PTPRN2: variants seen among roughly 807,000 people sequenced by gnomAD.
The protein encoded by PTPRN2 is protein tyrosine phosphatase receptor type N2, also known as receptor-type tyrosine-protein phosphatase N2.
PTPRN2 carries 74 observed loss-of-function variants against 118.8 expected under a neutral mutation model. The observed-to-expected ratio is 0.62, with a 90% CI of 0.52 to 0.76. PTPRN2 has a LOEUF of 0.76. PTPRN2 is among the 30% of genes least tolerant of loss of function. PTPRN2 has a pLI of 0.00. For synonymous variants in PTPRN2, 641 were observed against 608.0 expected, an observed-to-expected ratio of 1.05 and a Z score of -0.80; for missense variants, 1,481 against 1,394.4, an observed-to-expected ratio of 1.06 and a Z score of -0.99.
At chr7:157,670,400 C>G (rs13224453) in intron 13 of PTPRN2, among the ~76,000 whole-genome samples, 30,910 of 152,044 alleles carry the variant, frequency 0.2, 3,553 homozygotes, top group Non-Finnish European at 0.25. Flanking sequence ...CAGATTGAAA[C>G]CAGGAAACAG....
chr7:157,758,548 G>A (rs978179176), intron 12 of PTPRN2, among the ~76,000 whole-genome samples: 2 of 152,238 alleles, frequency 1.3e-5, no homozygotes. Flanking sequence ...GGGAGCCGAG[G>A]CAGGTGGCAG....
intron 11 of PTPRN2, among the ~76,000 whole-genome samples, chr7:158,049,608 T>C (rs1261876127): frequency 6.6e-6 from 1 of 152,176 alleles, no homozygotes; most frequent in Non-Finnish European, 1.5e-5. Flanking sequence ...CCTCAAAGAA[T>C]GCAACCTGAG....
rs969582764 is a variant in PTPRN2, at chr7:157,576,618, G to A, written c.2778C>T (p.Phe926=). The change falls in exon 19 of 23, where the codon TTC becomes TTT. Residue 926 remains phenylalanine, a synonymous_variant. Transcript: ENST00000389418. ...CGGCGGGCCGCGCGTCATACCTGCG[G>A]AAGTCCAGGAGGGACCTTGAGGAGG... The part of the protein sequence containing the change: ...VPSSSRSLLD[F]RRKVNKCYRG... The A allele has an allele frequency of 6.2e-7, 1 of 1,610,106 alleles. No individual in the cohort carries two copies. Among genetic ancestry groups the A allele is most frequent in the Non-Finnish European group, 8.5e-7 (1 of 1,177,966 alleles).
rs1242026848 is a variant in PTPRN2, at chr7:157,571,551, AAAC to A, written c.2784-61_2784-59del. The A allele has an allele frequency of 5.3e-6, 7 of 1,324,706 alleles. No homozygotes were observed. The East Asian group carries it at 1.6e-4, about 31-fold the overall frequency. 82.1% of individuals were successfully genotyped at this position (1,324,706 alleles called of 1,614,324 possible). On this transcript the variant is annotated intron_variant, in intron 19 of 22. Transcript: ENST00000389418. ...GTGTACTAAGACTTTGCGTTATCCA[AAAC>A]AACTATTAAAACAAAGCGCAAGGTC... is the stretch of plus-strand genomic sequence containing the variant.
At chr7:158,132,909 CCAGG>C (rs1333726718) in intron 9 of PTPRN2, among the ~76,000 whole-genome samples, 3 of 152,100 alleles carry the variant, frequency 2.0e-5, no homozygotes, top group Admixed American at 2.0e-4. Context: ...GTGTGTACAT[CCAGG>C]CAGACACGTC....
At chr7:158,389,088 G>T (rs1283503373) in intron 2 of PTPRN2, among the ~76,000 whole-genome samples, 1 of 152,230 alleles carries the variant, frequency 6.6e-6, no homozygotes, top group Admixed American at 6.5e-5. Context: ...GCAGGGCAGT[G>T]CCTGGGCCTC....
chr7:158,324,894 G>A (rs1478597512), intron 2 of PTPRN2, among the ~76,000 whole-genome samples: 1 of 152,182 alleles, frequency 6.6e-6, no homozygotes, highest in Non-Finnish European at 1.5e-5. Context: ...GCCCAGGCCT[G>A]CACTAAACGA....
rs927843899 is a variant in PTPRN2, at chr7:158,571,065, GTTTTATTTCATTTGA to G, written c.112+16478_112+16492del. Among the ~76,000 whole-genome samples, 26 of 152,250 alleles carry G rather than the reference GTTTTATTTCATTTGA, an allele frequency of 1.7e-4. 1 individual carries two copies. The Middle Eastern group carries it at 0.014, about 80-fold the overall frequency. ...CCCTCTTCAGGTTTTAATCCATTCT[GTTTTATTTCATTTGA>G]TTTTATTTCATTTTATTTCCAAGCC... On this transcript the variant is annotated intron_variant, in intron 1 of 22. Transcript: ENST00000389418.
intron 10 of PTPRN2, among the ~76,000 whole-genome samples, chr7:158,092,772 C>T (rs1448398970): frequency 6.6e-6 from 1 of 152,162 alleles, no homozygotes; most frequent in Non-Finnish European, 1.5e-5. Flanking sequence ...TCACTACACA[C>T]AGTACATGTT....
At chr7:157,582,920 A>C (rs1242126960) in intron 17 of PTPRN2, among the ~76,000 whole-genome samples, 4 of 151,910 alleles carry the variant, frequency 2.6e-5, no homozygotes, top group South Asian at 2.1e-4. Context: ...CAGTATGGAG[A>C]GCCTCAAACA....
chr7:158,291,365 G>A (rs1019304892), intron 3 of PTPRN2, among the ~76,000 whole-genome samples: 1 of 152,126 alleles, frequency 6.6e-6, no homozygotes, highest in Non-Finnish European at 1.5e-5. Context: ...ACACATATTT[G>A]TTGATCTGGA....
At chr7:158,318,915 A>G (rs1254556864) in intron 2 of PTPRN2, among the ~76,000 whole-genome samples, 2 of 152,226 alleles carry the variant, frequency 1.3e-5, no homozygotes, top group African/African-American at 2.4e-5. Context: ...GCAGCTGAGG[A>G]TCCCCTTCCC....
At chr7:158,224,193 C>T (rs1828582099) in intron 3 of PTPRN2, among the ~76,000 whole-genome samples, 1 of 152,086 alleles carries the variant, frequency 6.6e-6, no homozygotes, top group African/African-American at 2.4e-5. Flanking sequence ...CAGATTGATA[C>T]AGAGGTTTCA....
At chr7:157,589,806 A>G (rs1193258450) in intron 17 of PTPRN2, among the ~76,000 whole-genome samples, 1 of 152,266 alleles carries the variant, frequency 6.6e-6, no homozygotes, top group Non-Finnish European at 1.5e-5. Flanking sequence ...TTAAAAAGAA[A>G]GTTTTACGCA....
At chr7:157,710,450 TAAAA>T (rs957345032) in intron 12 of PTPRN2, among the ~76,000 whole-genome samples, 1 of 151,586 alleles carries the variant, frequency 6.6e-6, no homozygotes, top group South Asian at 2.1e-4. Flanking sequence ...CTACAAACAA[TAAAA>T]AAATCACCCA....
At chr7:157,862,699 T>G (rs886284688) in intron 12 of PTPRN2, 8 of 152,266 alleles carry the variant, frequency 5.3e-5, no homozygotes, top group African/African-American at 1.9e-4. Context: ...TTAAAAACGC[T>G]TATGGGATGA....
intron 12 of PTPRN2, among the ~76,000 whole-genome samples, chr7:157,748,460 GGGTGA>G (rs1456073931): frequency 7.8e-5 from 11 of 140,746 alleles, no homozygotes; most frequent in South Asian, 2.3e-4. Context: ...TGGGGTGTCT[GGGTGA>G]TTCTGAGGCC....
intron 1 of PTPRN2, among the ~76,000 whole-genome samples, chr7:158,549,458 G>C (rs1363452429): frequency 6.6e-6 from 1 of 152,256 alleles, no homozygotes; most frequent in Non-Finnish European, 1.5e-5. Flanking sequence ...GCGCCTCACT[G>C]AGTCCATTGG....
At chr7:157,762,733 TTAAAG>T (rs962795734) in intron 12 of PTPRN2, among the ~76,000 whole-genome samples, 1 of 151,550 alleles carries the variant, frequency 6.6e-6, no homozygotes, top group Non-Finnish European at 1.5e-5. Flanking sequence ...ACCCTAAAAC[TTAAAG>T]TATAATAATA....
Sources: gnomAD v4.1 joint callset for allele counts (sites outside exome capture counted in the v4.1 genomes callset) on GRCh38, gnomAD v4.1.1 for gene constraint, MANE v1.5 for transcripts, NCBI Gene and HGNC (gene_info 2026-07-23, HGNC 2026-07-21) for gene names.